EPM2A: variants seen among roughly 807,000 people sequenced by gnomAD.
EPM2A encodes the protein EPM2A glucan phosphatase, laforin, also known as laforin.
In EPM2A, 21 loss-of-function variants were observed where a neutral mutation model predicts 26.5. The observed-to-expected ratio is 0.79, with a 90% CI of 0.56 to 1.14. The LOEUF (loss-of-function observed/expected upper bound fraction) is 1.14, where lower values mean the gene tolerates loss of function less well. EPM2A is among the 50% of genes most tolerant of loss of function. EPM2A has a pLI of 0.00. For synonymous variants in EPM2A, 217 were observed against 177.6 expected (o/e 1.22, Z -1.76); for missense variants, 458 against 440.8 (o/e 1.04, Z -0.35).
intron 2 of EPM2A, among the ~76,000 whole-genome samples, chr6:145,585,615 A>G (rs943999872): frequency 2.0e-5 from 3 of 152,070 alleles, no homozygotes; most frequent in Admixed American, 6.5e-5. Context: ...TGAATCTAAC[A>G]TTATGAAGTC....
intron 2 of EPM2A, among the ~76,000 whole-genome samples, chr6:145,509,382 C>G (rs898216880): frequency 2.0e-5 from 3 of 152,128 alleles, no homozygotes; most frequent in Non-Finnish European, 4.4e-5. Context: ...AACAGACTAA[C>G]ACAGACTTTC....
intron 4 of EPM2A, among the ~76,000 whole-genome samples, chr6:145,410,308 A>G (rs933121299): frequency 6.6e-6 from 1 of 152,174 alleles, no homozygotes; most frequent in Non-Finnish European, 1.5e-5. Context: ...AATGTAACAA[A>G]GAAAGAATGA....
At chr6:145,612,759 TTA>T (rs752291416) in intron 2 of EPM2A, among the ~76,000 whole-genome samples, 23 of 146,662 alleles carry the variant, frequency 1.6e-4, no homozygotes, top group Non-Finnish European at 2.3e-4. Flanking sequence ...TATATGTATT[TTA>T]TATATATATA....
chr6:145,436,403 T>C (rs1216530440), intron 4 of EPM2A, among the ~76,000 whole-genome samples: 1 of 152,174 alleles, frequency 6.6e-6, no homozygotes, highest in East Asian at 1.9e-4. Context: ...TGCTAAACTT[T>C]TTGAGGAATA....
intron 4 of EPM2A, among the ~76,000 whole-genome samples, chr6:145,386,803 T>C (rs979825358): frequency 3.9e-5 from 6 of 152,214 alleles, no homozygotes; most frequent in Non-Finnish European, 5.9e-5. Context: ...ATGGTGCAGA[T>C]AATCTTAAAC....
chr6:145,698,931 A>C (rs1267065943), intron 1 of EPM2A, among the ~76,000 whole-genome samples: 1 of 152,186 alleles, frequency 6.6e-6, no homozygotes, highest in Non-Finnish European at 1.5e-5. Flanking sequence ...CCAGGAAGAG[A>C]AGCATTACCA....
At chr6:145,574,493 A>T (rs1281999038) in intron 2 of EPM2A, among the ~76,000 whole-genome samples, 1 of 152,208 alleles carries the variant, frequency 6.6e-6, no homozygotes, top group Non-Finnish European at 1.5e-5. Flanking sequence ...GTTAGATCTG[A>T]CATACAGAGA....
At chr6:145,487,948 T>G (rs563305464) in intron 4 of EPM2A, among the ~76,000 whole-genome samples, 2 of 152,306 alleles carry the variant, frequency 1.3e-5, no homozygotes, top group South Asian at 2.1e-4. Flanking sequence ...TTTATAGTTT[T>G]GGGTTTTATA....
At chr6:145,484,976 A>G (rs981895589) in intron 4 of EPM2A, among the ~76,000 whole-genome samples, 8 of 134,652 alleles carry the variant, frequency 5.9e-5, no homozygotes, top group Non-Finnish European at 3.1e-5. Context: ...TAGATGTCTG[A>G]TTAATGACAT....
intron 2 of EPM2A, among the ~76,000 whole-genome samples, chr6:145,590,998 T>C (rs953610180): frequency 1.3e-5 from 2 of 152,110 alleles, no homozygotes; most frequent in Admixed American, 1.3e-4. Context: ...AATAACTTGC[T>C]AGAATAGGTG....
intron 2 of EPM2A, among the ~76,000 whole-genome samples, chr6:145,516,562 G>A (rs961398016): frequency 6.6e-6 from 1 of 152,152 alleles, no homozygotes. Flanking sequence ...AGAGCCGTGA[G>A]ACTATGAGAT....
At chr6:145,410,157 C>G (rs959489903) in intron 4 of EPM2A, among the ~76,000 whole-genome samples, 1 of 152,148 alleles carries the variant, frequency 6.6e-6, no homozygotes, top group Non-Finnish European at 1.5e-5. Flanking sequence ...TAATGAGAGA[C>G]GGTGTTGCAA....
intron 4 of EPM2A, among the ~76,000 whole-genome samples, chr6:145,402,589 C>A (rs1215359238): frequency 6.6e-6 from 1 of 152,064 alleles, no homozygotes; most frequent in Non-Finnish European, 1.5e-5. Flanking sequence ...AGAAGATATT[C>A]TTGTTTTTAG....
chr6:145,733,996 A>G (rs1776659802), intron 1 of EPM2A, among the ~76,000 whole-genome samples: 1 of 152,310 alleles, frequency 6.6e-6, no homozygotes, highest in Non-Finnish European at 1.5e-5. Flanking sequence ...TGTTGGCGGG[A>G]GCCGACATTA....
chr6:145,606,750 T>C (rs1005477610), intron 2 of EPM2A, among the ~76,000 whole-genome samples: 1 of 152,142 alleles, frequency 6.6e-6, no homozygotes. Context: ...TGGTGTCAGC[T>C]TAACAACAGG....
chr6:145,731,885 G>A (rs1776506604), intron 1 of EPM2A, among the ~76,000 whole-genome samples: 3 of 152,072 alleles, frequency 2.0e-5, no homozygotes, highest in Admixed American at 1.3e-4. Context: ...ACAGGAATGG[G>A]CTTAGTTTCA....
At position 145,700,195 on chromosome 6, in the gene EPM2A, T is replaced by C. The variant is rs534138319; in HGVS notation, c.302-13899A>G. The stretch of plus-strand genomic sequence containing the variant: ...CCATCTCTGTATTATTGGAAACATT[T>C]GCTGGATACTGAAATTTACTTTCTA... On this transcript the variant is annotated intron_variant, in intron 1 of 3. Transcript: ENST00000367519. 3.3e-5 allele frequency among the ~76,000 whole-genome samples: 5 copies of C among 152,318 alleles called. No homozygotes were observed. The East Asian group carries it at 7.7e-4, about 24-fold the overall frequency.
chr6:145,490,405 G>C (rs1779739014), intron 4 of EPM2A: 1 of 821,184 alleles, frequency 1.2e-6, no homozygotes, highest in East Asian at 2.5e-5. Context: ...ACATTTGAGG[G>C]TGCTATTTCT....
At position 145,627,156 on chromosome 6, in the gene EPM2A, A is replaced by G. The variant is rs1775868298; in HGVS notation, c.*260T>C. On this transcript the variant is annotated 3_prime_UTR_variant, in exon 4 of 4. Transcript: ENST00000367519. ...CCTGCAGGCAGCAGGAACTGCACGC[A>G]TTACCCTTCTGTCTGATGTACAGCC... 1 of 1,379,206 alleles carries G rather than the reference A, an allele frequency of 7.3e-7. No individual in the cohort carries two copies. Among genetic ancestry groups the G allele is most frequent in the Admixed American group, 3.0e-5 (1 of 33,186 alleles). 85.4% of individuals were successfully genotyped at this position (1,379,206 alleles called of 1,614,324 possible).
Sources: gnomAD v4.1 joint callset for allele counts (sites outside exome capture counted in the v4.1 genomes callset) on GRCh38, gnomAD v4.1.1 for gene constraint, MANE v1.5 for transcripts, NCBI Gene and HGNC (gene_info 2026-07-23, HGNC 2026-07-21) for gene names.